Variants in EDF1 observed in about 807,000 individuals in gnomAD.
The protein encoded by EDF1 is endothelial differentiation related factor 1.
In EDF1, 5 loss-of-function variants were observed where a neutral mutation model predicts 20.8. The ratio of observed to expected loss-of-function variants is 0.24; its 90% CI spans 0.13 to 0.51. The LOEUF is 0.51. Among genes scored for constraint, EDF1 ranks in the 20% least tolerant of loss-of-function variants. The pLI, the probability that EDF1 is intolerant of heterozygous loss-of-function variation, is 0.97. For synonymous variants in EDF1, 96 were observed against 78.5 expected (o/e 1.22, Z -1.18); for missense variants, 137 against 197.8 (o/e 0.69, Z 1.84).
Position 136,862,469 on chromosome 9 carries a change from A to G in EDF1, c.386-124T>C. On this transcript the variant is annotated intron_variant, in intron 4 of 4. Coordinates refer to ENST00000224073, the MANE Select transcript of EDF1 (RefSeq NM_003792.4). This position sits in a 1 kb window ranked among gnomAD's most constrained non-coding sequence, Gnocchi z 4.1. ...CGCTCCCGTGCCTCACTGGGCTCTC[A>G]GCACACGAGCACTCCTGGTTCCCAC... The G allele has an allele frequency of 6.2e-7, 1 of 1,613,102 alleles. No homozygotes were observed. The highest frequency in any genetic ancestry group is 8.5e-7 in the Non-Finnish European group (1 of 1,179,858).
In EDF1 at chr9:136,862,541, A is replaced by G. The variant is rs1178042149; in HGVS notation, c.386-196T>C. On this transcript the variant is annotated intron_variant, in intron 4 of 4. Transcript: ENST00000224073. This position sits in a 1 kb window ranked among gnomAD's most constrained non-coding sequence, Gnocchi z 4.1. Reference sequence around the variant, plus strand: ...GTCTGATCACCTTAGACAGCAGAGCATGAACACCCCTCTCCGGAAGAACCG... The same window carrying G: ...GTCTGATCACCTTAGACAGCAGAGCGTGAACACCCCTCTCCGGAAGAACCG... 5.0e-6 allele frequency: 8 copies of G among 1,601,844 alleles called. No homozygotes were observed. Among genetic ancestry groups the G allele is most frequent in the Non-Finnish European group, 6.8e-6 (8 of 1,178,262 alleles).
At position 136,862,344 on chromosome 9, in the gene EDF1, G is replaced by A. The variant is rs766965645; in HGVS notation, c.387C>T (p.Gly129=). 12 of 1,614,012 alleles carry A rather than the reference G, an allele frequency of 7.4e-6. No homozygotes were observed. Among genetic ancestry groups the A allele is most frequent in the Non-Finnish European group, 5.1e-6 (6 of 1,179,992 alleles). ...CAATGTCCTTTCCCCGGAGCTTGAG[G>A]CCTGAAATGAGCCACAGCCACTGGC... ...QVLGKIERAI[G]LKLRGKDIGK... The change falls in exon 5 of 5, where the codon GGC becomes GGT. Residue 129 remains glycine, a splice_region_variant and synonymous_variant. Coordinates refer to ENST00000224073, the MANE Select transcript of EDF1 (RefSeq NM_003792.4). This position sits in a 1 kb window ranked among gnomAD's most constrained non-coding sequence, Gnocchi z 4.1.
intron 1 of EDF1, among the ~76,000 whole-genome samples, chr9:136,865,799 G>C (rs1336120022): frequency 8.4e-6 from 1 of 119,076 alleles, no homozygotes. Flanking sequence ...CCTCACACCT[G>C]TCCCCACCAA....
At chr9:136,864,835 G>A (rs1849183083) in intron 1 of EDF1, among the ~76,000 whole-genome samples, 1 of 152,146 alleles carries the variant, frequency 6.6e-6, no homozygotes, top group Non-Finnish European at 1.5e-5. Context: ...ATCTTGGCCA[G>A]GCTGGTCTTG....
At chr9:136,864,716 C>T (rs887000299) in intron 1 of EDF1, among the ~76,000 whole-genome samples, 44 of 152,088 alleles carry the variant, frequency 2.9e-4, no homozygotes, top group Admixed American at 6.5e-4. Flanking sequence ...CTTCGCCCTC[C>T]GAGTTCAAGC....
At chr9:136,865,438 G>A (rs1797566314) in intron 1 of EDF1, among the ~76,000 whole-genome samples, 2 of 152,046 alleles carry the variant, frequency 1.3e-5, no homozygotes, top group South Asian at 2.1e-4. Flanking sequence ...GCAGGTCCCA[G>A]GCAGAGAGAA....
intron 1 of EDF1, among the ~76,000 whole-genome samples, chr9:136,865,727 C>T (rs1347372526): frequency 1.3e-5 from 2 of 151,664 alleles, no homozygotes; most frequent in Non-Finnish European, 2.9e-5. Context: ...GTTCTCTGTC[C>T]CCTATCCTCA....
rs752352712 is a variant in EDF1 at position 136,866,248 on chromosome 9, C to T, written c.11G>A (p.Ser4Asn). MAE[S>N]DWDTVTVLRK... ...CAGCACCGTCACCGTGTCCCAGTCG[C>T]TCTCGGCCATGGCGGGCGAAGACGA... Residue 4 changes from serine to asparagine, a missense_variant, in exon 1 of 5, where the codon AGC (serine) becomes AAC (asparagine). Physicochemically the swap from Ser to Asn is conservative, Grantham distance 46 (BLOSUM62 1). Coordinates refer to ENST00000224073, the MANE Select transcript of EDF1 (RefSeq NM_003792.4). 6.3e-7 allele frequency: 1 copy of T among 1,599,366 alleles called. No homozygotes were observed. The highest frequency in any genetic ancestry group is 8.5e-7 in the Non-Finnish European group (1 of 1,175,114).
chr9:136,863,354 C>G lies in EDF1; in HGVS notation c.225G>C (p.Leu75=). 6.2e-7 allele frequency: 1 copy of G among 1,614,112 alleles called. No individual in the cohort carries two copies. Among genetic ancestry groups the G allele is most frequent in the Non-Finnish European group, 8.5e-7 (1 of 1,180,020 alleles). The change falls in exon 3 of 5, where the codon CTG becomes CTC. Residue 75 remains leucine, a synonymous_variant. Coordinates refer to ENST00000224073, the MANE Select transcript of EDF1 (RefSeq NM_003792.4). This position sits in a 1 kb window ranked among gnomAD's most constrained non-coding sequence, Gnocchi z 4.5. ...TEELHHDRVT[L]EVGKVIQQGR... ...CTTGCTGGATCACCTTGCCCACCTC[C>G]AGGGTCACCCTGTCATGGTGCAGCT... is the stretch of plus-strand genomic sequence containing the variant.
In EDF1 at chr9:136,862,890, G is replaced by A. The variant is rs779433689; in HGVS notation, c.385+16C>T. 6.2e-6 allele frequency: 10 copies of A among 1,613,058 alleles called. No individual in the cohort carries two copies. The highest frequency in any genetic ancestry group is 3.3e-5 in the Admixed American group (2 of 60,028). On this transcript the variant is annotated intron_variant, in intron 4 of 4. Coordinates refer to ENST00000224073, the MANE Select transcript of EDF1 (RefSeq NM_003792.4). This position sits in a 1 kb window ranked among gnomAD's most constrained non-coding sequence, Gnocchi z 4.1. The stretch of plus-strand genomic sequence containing the variant: ...CCCTGTTCAGCGGACCCGGCGAAGG[G>A]TGGAGGGACACTCACCAATGGCCCG...
chr9:136,866,097 C>T, intron 1 of EDF1, 84 bp downstream of exon 1: 2 of 1,390,408 alleles, frequency 1.4e-6, no homozygotes, highest in Non-Finnish European at 9.6e-7. Flanking sequence ...GCCTGCCCTT[C>T]CCCGAGCCCC....
chr9:136,864,341 C>G (rs955585576), intron 1 of EDF1, among the ~76,000 whole-genome samples: 4 of 149,972 alleles, frequency 2.7e-5, no homozygotes, highest in African/African-American at 9.8e-5. Flanking sequence ...CTCCTGGGCT[C>G]AAGTGAGCCT....
In EDF1 at chr9:136,863,306, C is replaced by T. The variant is rs1250517276; in HGVS notation, c.273G>A (p.Thr91=). 4 of 1,613,408 alleles carry T rather than the reference C, an allele frequency of 2.5e-6. No homozygotes were observed. The highest frequency in any genetic ancestry group is 1.1e-5 in the South Asian group (1 of 91,074). ...GCCTCACCGTGGCCAGGTCCTTCTGCGTAAGCCCCTTGCTCTGCCGACCTT... is the reference window on the plus strand; with the variant it reads ...GCCTCACCGTGGCCAGGTCCTTCTGTGTAAGCCCCTTGCTCTGCCGACCTT... The part of the protein sequence containing the change: ...IQQGRQSKGL[T]QKDLATKINE... Residue 91 remains threonine (T), a synonymous_variant, in exon 3 of 5, where the codon ACG becomes ACA. Transcript: ENST00000224073. This position sits in a 1 kb window ranked among gnomAD's most constrained non-coding sequence, Gnocchi z 4.5.
rs563005101 is a variant in EDF1 at position 136,863,148 on chromosome 9, C to G, written c.291+140G>C. 9.9e-6 allele frequency: 15 copies of G among 1,513,760 alleles called. No individual in the cohort carries two copies. The African/African-American group carries it at 2.1e-4, about 21-fold the overall frequency. The allele number at this position is 1,513,760 out of a possible 1,614,324, so 93.8% of individuals were successfully genotyped here. On this transcript the variant is annotated intron_variant, in intron 3 of 4. Coordinates refer to ENST00000224073, the MANE Select transcript of EDF1 (RefSeq NM_003792.4). The surrounding 1 kb of genome is among the most constrained non-coding windows in gnomAD (Gnocchi z 4.5). Reference sequence around the variant, plus strand: ...GTTTTGTGCGAGAGGCAGTGAGAGCCGGGCTGACCTGGCTTCCCGAGGCAT... The same window carrying G: ...GTTTTGTGCGAGAGGCAGTGAGAGCGGGGCTGACCTGGCTTCCCGAGGCAT...
chr9:136,863,479 G>C lies in EDF1; in HGVS notation c.131-31C>G. 6.2e-7 allele frequency: 1 copy of C among 1,600,770 alleles called. No homozygotes were observed. The highest frequency in any genetic ancestry group is 8.5e-7 in the Non-Finnish European group (1 of 1,170,840). On this transcript the variant is annotated intron_variant, in intron 2 of 4. Transcript: ENST00000224073. The surrounding 1 kb of genome is among the most constrained non-coding windows in gnomAD (Gnocchi z 4.5). ...GTCGGTGTGAGGCAAAAGCAGAGGA[G>C]AGGATTTGGAATTAACCTGAAGAAA... is the stretch of plus-strand genomic sequence containing the variant.
chr9:136,866,100 C>T, intron 1 of EDF1, 81 bp downstream of exon 1: 1 of 1,432,458 alleles, frequency 7.0e-7, no homozygotes, highest in Non-Finnish European at 9.3e-7. Flanking sequence ...TGCCCTTCCC[C>T]GAGCCCCCTG....
At chr9:136,864,684 C>T (rs1424394622) in intron 1 of EDF1, among the ~76,000 whole-genome samples, 2 of 151,998 alleles carry the variant, frequency 1.3e-5, no homozygotes, top group Non-Finnish European at 2.9e-5. Context: ...AATGCAGTGA[C>T]ACGATCTCGG....
rs1849198900 is a variant in EDF1, at chr9:136,865,533, G to GTT, written c.78+647_78+648insAA. 6.7e-5 allele frequency among the ~76,000 whole-genome samples: 10 copies of GTT among 150,236 alleles called. No individual in the cohort carries two copies. In the South Asian group the frequency reaches 2.1e-3, roughly 32 times the overall value. ...CCCCGTCACCCAGTCTCCCGCCCCA[G>GTT]GCCCTCAACTGCTGTCCAATGGCCC... On this transcript the variant is annotated intron_variant, in intron 1 of 4. Transcript: ENST00000224073.
chr9:136,863,875 G>C lies in EDF1; in HGVS notation c.79-4C>G, dbSNP rs745928766. The C allele has an allele frequency of 3.7e-6, 6 of 1,613,778 alleles. No individual in the cohort carries two copies. The South Asian group carries it at 6.6e-5, about 18-fold the overall frequency. ...GTCTCTGTGCCGCTAAGATAGCCTA[G>C]AAAATTAGAAAACATCAGTGGATCA... On this transcript the variant is annotated splice_polypyrimidine_tract_variant and splice_region_variant and intron_variant, in intron 1 of 4. Transcript: ENST00000224073. The surrounding 1 kb of genome is among the most constrained non-coding windows in gnomAD (Gnocchi z 4.5).
Sources: allele counts gnomAD v4.1 joint callset (sites outside exome capture counted in the v4.1 genomes callset), GRCh38; gene constraint gnomAD v4.1.1; non-coding constraint Gnocchi (gnomAD v3.1); transcripts MANE v1.5; gene names NCBI Gene and HGNC (gene_info 2026-07-23, HGNC 2026-07-21).